SEC24B: variants seen among roughly 807,000 people sequenced by gnomAD.
The protein encoded by SEC24B is protein transport protein Sec24B.
A neutral mutation model predicts 142.8 loss-of-function variants in SEC24B; 45 were observed. The observed-to-expected ratio is 0.32, with a 90% CI of 0.25 to 0.40. SEC24B has a LOEUF of 0.40. Among genes scored for constraint, SEC24B ranks in the 10% least tolerant of loss-of-function variants. The probability of loss-of-function intolerance (pLI) is 1.00; values close to 1 mark genes in which losing one functional copy is unlikely to be tolerated. For missense variants in SEC24B, 1,409 were observed against 1,526.8 expected (o/e 0.92, Z 1.29); for synonymous variants, 574 against 568.2 (o/e 1.01, Z -0.15).
chr4:109,484,535 GAA>G (rs1046049208), intron 4 of SEC24B, among the ~76,000 whole-genome samples: 1 of 151,594 alleles, frequency 6.6e-6, no homozygotes, highest in Non-Finnish European at 1.5e-5. Context: ...TCCAAAAAAA[GAA>G]AAAAAAGAGA....
rs757368639 is a variant in SEC24B, at chr4:109,463,526, T to C, written c.759T>C (p.Ser253=). 1.2e-6 allele frequency: 2 copies of C among 1,614,150 alleles called. No individual in the cohort carries two copies. The highest frequency in any genetic ancestry group is 2.2e-5 in the East Asian group (1 of 44,882). ...LPSQQHHQQQ[S]LSGYSTLTWS... is the part of the protein sequence containing the mutation. ...CACAACAGCACCACCAGCAGCAAAGTCTTTCAGGATACAGTACTCTAACGT... is the reference window on the plus strand; with the variant it reads ...CACAACAGCACCACCAGCAGCAAAGCCTTTCAGGATACAGTACTCTAACGT... Residue 253 remains serine (S), a synonymous_variant, in exon 2 of 24, where the codon AGT becomes AGC. Transcript: ENST00000265175.
At chr4:109,479,600 T>C (rs1318234384) in intron 3 of SEC24B, among the ~76,000 whole-genome samples, 1 of 152,068 alleles carries the variant, frequency 6.6e-6, no homozygotes, top group Non-Finnish European at 1.5e-5. Flanking sequence ...TGGCTAATTT[T>C]TTTTTTTTAC....
intron 1 of SEC24B, among the ~76,000 whole-genome samples, chr4:109,453,457 C>CG (rs1730336648): frequency 9.3e-6 from 1 of 107,000 alleles, no homozygotes; most frequent in Non-Finnish European, 1.9e-5. Context: ...CCCCCCCCCC[C>CG]CCGAATGGCT....
At chr4:109,476,860 G>A (rs561133775) in intron 3 of SEC24B, among the ~76,000 whole-genome samples, 3 of 152,276 alleles carry the variant, frequency 2.0e-5, no homozygotes, top group African/African-American at 4.8e-5. Flanking sequence ...AGAGTTGGCC[G>A]GGCGCAGTGG....
intron 1 of SEC24B, among the ~76,000 whole-genome samples, chr4:109,449,100 T>G (rs1366256777): frequency 6.6e-6 from 1 of 152,222 alleles, no homozygotes; most frequent in East Asian, 1.9e-4. Flanking sequence ...TATTGAGTCA[T>G]TTCAGGGTTT....
intron 14 of SEC24B, among the ~76,000 whole-genome samples, chr4:109,524,229 T>C (rs948455862): frequency 6.6e-6 from 1 of 152,194 alleles, no homozygotes; most frequent in Non-Finnish European, 1.5e-5. Flanking sequence ...TATTCCTTCA[T>C]ATCCTTAATT....
intron 1 of SEC24B, among the ~76,000 whole-genome samples, chr4:109,455,703 CT>C (rs1730599035): frequency 6.6e-6 from 1 of 152,168 alleles, no homozygotes; most frequent in Non-Finnish European, 1.5e-5. Flanking sequence ...AATCAGTTGA[CT>C]GTATTTTTAT....
At chr4:109,452,488 C>T (rs150206494) in intron 1 of SEC24B, among the ~76,000 whole-genome samples, 1 of 152,304 alleles carries the variant, frequency 6.6e-6, no homozygotes, top group East Asian at 1.9e-4. Context: ...AAGTTTATAA[C>T]AAATTGCCAG....
intron 2 of SEC24B, among the ~76,000 whole-genome samples, chr4:109,468,573 G>A (rs774923178): frequency 9.2e-5 from 14 of 152,188 alleles, no homozygotes; most frequent in Non-Finnish European, 1.5e-4. Context: ...TATCAGATTT[G>A]TGTTTCAGAA....
rs139552379 is a variant in SEC24B, at chr4:109,474,720, C to T, written c.1060+1534C>T. Among the ~76,000 whole-genome samples, 809 of 152,306 alleles carry T rather than the reference C, an allele frequency of 5.3e-3. 35 individuals are homozygous for T. In the South Asian group the frequency reaches 0.079, roughly 15 times the overall value. On this transcript the variant is annotated intron_variant, in intron 3 of 23. Transcript: ENST00000265175. The stretch of plus-strand genomic sequence containing the variant: ...GATTACAGGCGTGAGCCACCACGCC[C>T]AGCCCCTATCATATTTTCTTTTTTA...
chr4:109,460,936 T>C (rs1310172111), intron 1 of SEC24B, among the ~76,000 whole-genome samples: 1 of 151,876 alleles, frequency 6.6e-6, no homozygotes, highest in East Asian at 1.9e-4. Context: ...CTACTAAGTA[T>C]GATTTAAAAA....
intron 10 of SEC24B, among the ~76,000 whole-genome samples, chr4:109,516,245 T>TA (rs1220687926): frequency 6.6e-6 from 1 of 152,124 alleles, no homozygotes; most frequent in Non-Finnish European, 1.5e-5. Flanking sequence ...GCCTAATTTT[T>TA]AAAAAATGAA....
chr4:109,527,919 G>A (rs1724433349), intron 18 of SEC24B, among the ~76,000 whole-genome samples: 1 of 152,084 alleles, frequency 6.6e-6, no homozygotes, highest in South Asian at 2.1e-4. Flanking sequence ...AAATCTTTGA[G>A]GGAATTCATA....
At chr4:109,474,350 A>G (rs1732859125) in intron 3 of SEC24B, among the ~76,000 whole-genome samples, 1 of 151,390 alleles carries the variant, frequency 6.6e-6, no homozygotes, top group Admixed American at 6.6e-5. Flanking sequence ...TACATTGATG[A>G]CTGCCTTCCA....
Position 109,540,171 on chromosome 4 carries a change from CAA to C in SEC24B, c.*497_*498del. The stretch of plus-strand genomic sequence containing the variant: ...GAATTCAACATTTTCTCTGTAAAAA[CAA>C]TAGAGTTTCAGTACATGAACTATAG... On this transcript the variant is annotated 3_prime_UTR_variant, in exon 24 of 24. Transcript: ENST00000265175. 6.6e-6 allele frequency: 1 copy of C among 152,558 alleles called. No homozygotes were observed. The highest frequency in any genetic ancestry group is 1.9e-4 in the East Asian group (1 of 5,200). The allele number at this position is 152,558 out of a possible 1,614,324, so 9.5% of individuals were successfully genotyped here. A position where few individuals can be genotyped will look rare whatever the true frequency, so the allele number is the denominator to read the frequency against.
At chr4:109,497,437 G>A (rs989259308) in intron 6 of SEC24B, among the ~76,000 whole-genome samples, 2 of 152,072 alleles carry the variant, frequency 1.3e-5, no homozygotes, top group African/African-American at 4.8e-5. Context: ...GGAAAGTTTG[G>A]ATAAAGGGGA....
chr4:109,484,533 A>C (rs748943058), intron 4 of SEC24B, among the ~76,000 whole-genome samples: 4 of 152,182 alleles, frequency 2.6e-5, no homozygotes, highest in Non-Finnish European at 5.9e-5. Context: ...TCTCCAAAAA[A>C]AGAAAAAAAA....
chr4:109,524,791 C>T lies in SEC24B; in HGVS notation c.2509-27C>T, dbSNP rs532323101. ...AAAATATGAGCATAAAGATTGCTAG[C>T]TCTTACTATATGATCTGTTGACTTA... is the stretch of plus-strand genomic sequence containing the variant. On this transcript the variant is annotated intron_variant, in intron 14 of 23. Coordinates refer to ENST00000265175, the MANE Select transcript of SEC24B (RefSeq NM_006323.5). The T allele has an allele frequency of 2.0e-5, 31 of 1,586,904 alleles. No individual in the cohort carries two copies. The South Asian group carries it at 2.6e-4, about 13-fold the overall frequency.
At chr4:109,482,757 A>G (rs1160766866) in intron 4 of SEC24B, among the ~76,000 whole-genome samples, 1 of 145,456 alleles carries the variant, frequency 6.9e-6, no homozygotes. Context: ...TCCTGTCTCA[A>G]CTCCCACATA....
Sources: allele counts gnomAD v4.1 joint callset (sites outside exome capture counted in the v4.1 genomes callset), GRCh38; gene constraint gnomAD v4.1.1; transcripts MANE v1.5; gene names NCBI Gene and HGNC (gene_info 2026-07-23, HGNC 2026-07-21).